The following UNC5D variants were observed in gnomAD, a reference collection of about 807,000 sequenced individuals.
The protein encoded by UNC5D is netrin receptor UNC5D.
UNC5D carries 39 observed loss-of-function variants against 105.4 expected under a neutral mutation model. The ratio of observed to expected loss-of-function variants is 0.37; its 90% CI spans 0.29 to 0.48. The LOEUF (loss-of-function observed/expected upper bound fraction) is 0.48, where lower values mean the gene tolerates loss of function less well. Ranked by LOEUF, UNC5D falls within the 20% of genes least tolerant of loss-of-function variation. The pLI is 0.98. For missense variants in UNC5D, 991 were observed against 1,202.4 expected, an observed-to-expected ratio of 0.82 and a Z score of 2.60; for synonymous variants, 452 against 450.4, an observed-to-expected ratio of 1.00 and a Z score of -0.04.
chr8:35,352,110 C>T (rs573884807), intron 1 of UNC5D, among the ~76,000 whole-genome samples: 1 of 152,058 alleles, frequency 6.6e-6, no homozygotes, highest in African/African-American at 2.4e-5. Context: ...TTAAATCAAC[C>T]TGATATTCCA....
chr8:35,527,535 C>T (rs186923241), intron 1 of UNC5D, among the ~76,000 whole-genome samples: 3 of 152,088 alleles, frequency 2.0e-5, no homozygotes, highest in Admixed American at 6.6e-5. Flanking sequence ...AGAAGCTCTC[C>T]TGTTTCTCCT....
chr8:35,476,300 C>T (rs994429646), intron 1 of UNC5D, among the ~76,000 whole-genome samples: 2 of 152,128 alleles, frequency 1.3e-5, no homozygotes, highest in Admixed American at 6.6e-5. Context: ...TCCCAACACC[C>T]GAGTTATAAT....
intron 4 of UNC5D, among the ~76,000 whole-genome samples, chr8:35,674,577 A>T (rs1563654621): frequency 6.6e-6 from 1 of 152,218 alleles, no homozygotes; most frequent in South Asian, 2.1e-4. Flanking sequence ...GTAAGTGTTC[A>T]TGAAATGCTA....
intron 1 of UNC5D, among the ~76,000 whole-genome samples, chr8:35,512,489 T>TTCAG (rs1812790596): frequency 7.8e-5 from 9 of 115,732 alleles, no homozygotes; most frequent in Non-Finnish European, 1.4e-4. Flanking sequence ...TATATATATA[T>TTCAG]ATATATATAT....
chr8:35,365,072 T>C (rs1356019630), intron 1 of UNC5D, among the ~76,000 whole-genome samples: 7 of 152,158 alleles, frequency 4.6e-5, no homozygotes, highest in Non-Finnish European at 1.0e-4. Flanking sequence ...TCTTTAATTA[T>C]TATATAATGT....
At chr8:35,318,802 C>T (rs1403008212) in intron 1 of UNC5D, among the ~76,000 whole-genome samples, 2 of 152,012 alleles carry the variant, frequency 1.3e-5, no homozygotes, top group African/African-American at 2.4e-5. Flanking sequence ...AGTAAGAATA[C>T]AGATTTTGAC....
chr8:35,498,968 C>G (rs1811798653), intron 1 of UNC5D, among the ~76,000 whole-genome samples: 1 of 152,102 alleles, frequency 6.6e-6, no homozygotes, highest in South Asian at 2.1e-4. Context: ...GGAACCCAAC[C>G]AATTCAGTAT....
At chr8:35,313,428 C>G (rs1292083716) in intron 1 of UNC5D, among the ~76,000 whole-genome samples, 1 of 152,076 alleles carries the variant, frequency 6.6e-6, no homozygotes, top group Non-Finnish European at 1.5e-5. Context: ...AGAACCAAGT[C>G]CCAGGTGAGA....
At chr8:35,663,688 A>G (rs1563644354) in intron 4 of UNC5D, among the ~76,000 whole-genome samples, 1 of 152,178 alleles carries the variant, frequency 6.6e-6, no homozygotes, top group Non-Finnish European at 1.5e-5. Context: ...AGAAAAAGAG[A>G]GAATGATTTA....
intron 1 of UNC5D, among the ~76,000 whole-genome samples, chr8:35,246,137 TAGG>T (rs1455174585): frequency 1.3e-5 from 2 of 152,200 alleles, no homozygotes; most frequent in African/African-American, 4.8e-5. Flanking sequence ...TTTTTATTTG[TAGG>T]AGAAGCAGTG....
chr8:35,289,678 G>A (rs946125649), intron 1 of UNC5D, among the ~76,000 whole-genome samples: 1 of 152,120 alleles, frequency 6.6e-6, no homozygotes, highest in Admixed American at 6.6e-5. Context: ...AATATATAAT[G>A]AACTCAAACA....
intron 4 of UNC5D, among the ~76,000 whole-genome samples, chr8:35,635,568 C>A (rs1324628266): frequency 6.6e-6 from 1 of 152,070 alleles, no homozygotes; most frequent in Non-Finnish European, 1.5e-5. Flanking sequence ...TGTAAGAAAT[C>A]ATTTTAACAA....
At chr8:35,734,928 C>T (rs1375405015) in intron 11 of UNC5D, among the ~76,000 whole-genome samples, 2 of 151,718 alleles carry the variant, frequency 1.3e-5, no homozygotes, top group African/African-American at 4.8e-5. Context: ...GGATTACAGG[C>T]ACCCGCCATC....
chr8:35,385,187 C>A (rs960313708), intron 1 of UNC5D, among the ~76,000 whole-genome samples: 8 of 152,152 alleles, frequency 5.3e-5, no homozygotes, highest in Non-Finnish European at 1.2e-4. Context: ...TCCCTTTACT[C>A]TCTGGCAGCA....
chr8:35,409,552 A>G (rs959767872), intron 1 of UNC5D, among the ~76,000 whole-genome samples: 1 of 151,984 alleles, frequency 6.6e-6, no homozygotes, highest in Non-Finnish European at 1.5e-5. Flanking sequence ...TTCTGTGGAT[A>G]TGTGTCTTTT....
intron 3 of UNC5D, among the ~76,000 whole-genome samples, chr8:35,581,993 ATGATAATCTCTT>A (rs1396227988): frequency 6.6e-6 from 1 of 152,186 alleles, no homozygotes; most frequent in African/African-American, 2.4e-5. Flanking sequence ...TTTATCTCCT[ATGATAATCTCTT>A]TGCTGCTTCT....
chr8:35,306,759 T>C (rs1192575183), intron 1 of UNC5D, among the ~76,000 whole-genome samples: 3 of 152,156 alleles, frequency 2.0e-5, no homozygotes, highest in Admixed American at 1.3e-4. Context: ...AGTATCTGCT[T>C]AAGTTGGAAT....
intron 1 of UNC5D, among the ~76,000 whole-genome samples, chr8:35,257,718 A>G (rs1021670642): frequency 1.3e-5 from 2 of 152,164 alleles, no homozygotes; most frequent in African/African-American, 2.4e-5. Flanking sequence ...CCCTAAGACT[A>G]TTGACACCAT....
At chr8:35,585,602 C>G (rs1002178605) in intron 3 of UNC5D, among the ~76,000 whole-genome samples, 1 of 150,566 alleles carries the variant, frequency 6.6e-6, no homozygotes, top group African/African-American at 2.4e-5. Context: ...TAAACAGAAC[C>G]AATGAAAAGT....
Sources: allele counts gnomAD v4.1 joint callset (sites outside exome capture counted in the v4.1 genomes callset), GRCh38; gene constraint gnomAD v4.1.1; transcripts MANE v1.5; gene names NCBI Gene and HGNC (gene_info 2026-07-23, HGNC 2026-07-21).